The following FGF14 variants were observed in gnomAD, a reference collection of about 807,000 sequenced individuals.
FGF14 encodes the protein fibroblast growth factor 14.
A neutral mutation model predicts 25.5 loss-of-function variants in FGF14; 5 were observed. The ratio of observed to expected loss-of-function variants is 0.20; its 90% confidence interval spans 0.10 to 0.41. The LOEUF is 0.41. FGF14 is among the 10% of genes least tolerant of loss of function. The probability of loss-of-function intolerance (pLI) is 1.00; values close to 1 mark genes in which losing one functional copy is unlikely to be tolerated. For missense variants in FGF14, 222 were observed against 320.1 expected, an observed-to-expected ratio of 0.69 and a Z score of 2.34; for synonymous variants, 138 against 118.3, an observed-to-expected ratio of 1.17 and a Z score of -1.08.
At chr13:102,129,206 C>T (rs1426086896) in intron 1 of FGF14, among the ~76,000 whole-genome samples, 1 of 151,998 alleles carries the variant, frequency 6.6e-6, no homozygotes, top group Non-Finnish European at 1.5e-5. Context: ...GCTGAAAGCA[C>T]ACCACTGCAC....
chr13:102,057,110 A>G (rs2042467087), intron 1 of FGF14, among the ~76,000 whole-genome samples: 1 of 152,164 alleles, frequency 6.6e-6, no homozygotes, highest in East Asian at 1.9e-4. Flanking sequence ...TGCTAAAATG[A>G]AAGCAGAAAA....
chr13:102,312,783 T>C (rs1354892041), intron 1 of FGF14, among the ~76,000 whole-genome samples: 2 of 152,230 alleles, frequency 1.3e-5, no homozygotes, highest in Non-Finnish European at 2.9e-5. Context: ...AATTTCTTGC[T>C]GATTGTTTTC....
At chr13:101,826,743 C>T (rs548247816) in intron 3 of FGF14, among the ~76,000 whole-genome samples, 1 of 151,848 alleles carries the variant, frequency 6.6e-6, no homozygotes, top group Non-Finnish European at 1.5e-5. Flanking sequence ...CTAAATTTAG[C>T]TTACATTTAA....
intron 1 of FGF14, among the ~76,000 whole-genome samples, chr13:102,076,235 G>A (rs1690510547): frequency 6.6e-6 from 1 of 152,146 alleles, no homozygotes; most frequent in South Asian, 2.1e-4. Context: ...TTCATGGTAA[G>A]TGCCCTAGGC....
At chr13:102,134,807 T>C (rs1268521711) in intron 1 of FGF14, among the ~76,000 whole-genome samples, 1 of 152,196 alleles carries the variant, frequency 6.6e-6, no homozygotes, top group East Asian at 1.9e-4. Flanking sequence ...ACAACAAAAA[T>C]CTCTGTTGAT....
In FGF14 at chr13:102,320,579, G is replaced by A. The variant is rs16960062; in HGVS notation, c.208+80892C>T. ...TTTTGGAGACTTATTTTGTCATACA[G>A]TCTTAAAGGAAAGGGATCTGGTTTG... On this transcript the variant is annotated intron_variant, in intron 1 of 4. Coordinates refer to the FGF14 transcript ENST00000376131. 8.4e-3 allele frequency among the ~76,000 whole-genome samples: 1,276 copies of A among 152,234 alleles called. 18 individuals are homozygous for A. Among genetic ancestry groups the A allele is most frequent in the African/African-American group, 0.028 (1,178 of 41,542 alleles).
rs113001913 is a variant in FGF14, at chr13:102,224,461, T to C, written c.208+177010A>G. On this transcript the variant is annotated intron_variant, in intron 1 of 4. Transcript: ENST00000376131. ...AACTTTTTGGTGCACCATCATGTTA[T>C]AGATTCGAATGTCGCTATGCTGAAT... 1.7e-3 allele frequency among the ~76,000 whole-genome samples: 259 copies of C among 152,304 alleles called. 2 individuals are homozygous for C. Among genetic ancestry groups the C allele is most frequent in the African/African-American group, 6.0e-3 (251 of 41,582 alleles).
Position 102,388,384 on chromosome 13 carries a change from A to T in FGF14, c.208+13087T>A, listed in dbSNP as rs141853972. Among the ~76,000 whole-genome samples the T allele has an allele frequency of 1.2e-4, 18 of 152,352 alleles. No homozygotes were observed. The East Asian group carries it at 3.5e-3, about 29-fold the overall frequency. ...ACAACTATCAACTACATGTAACAAC[A>T]ACATAAATGTACCTGCTAACTAGAT... On this transcript the variant is annotated intron_variant, in intron 1 of 4. Transcript: ENST00000376131.
rs543021393 is a variant in FGF14, at chr13:102,182,644, A to T, written c.208+218827T>A. Among the ~76,000 whole-genome samples the T allele has an allele frequency of 3.9e-5, 6 of 152,262 alleles. No homozygotes were observed. The East Asian group carries it at 9.7e-4, about 25-fold the overall frequency. On this transcript the variant is annotated intron_variant, in intron 1 of 4. Coordinates refer to the FGF14 transcript ENST00000376131. ...TTTGCATCTTGGCCCATAAAGTCTA[A>T]AATATTTACTATTTGGTTCTTTACA...
chr13:102,322,364 G>A (rs1228658388), intron 1 of FGF14, among the ~76,000 whole-genome samples: 1 of 152,114 alleles, frequency 6.6e-6, no homozygotes, highest in African/African-American at 2.4e-5. Context: ...ATTTATTACT[G>A]GTGGGAAAGA....
chr13:102,337,944 C>A (rs1466871409), intron 1 of FGF14, among the ~76,000 whole-genome samples: 1 of 152,124 alleles, frequency 6.6e-6, no homozygotes, highest in Non-Finnish European at 1.5e-5. Context: ...ATATATAACT[C>A]TTATGTGCAC....
At position 101,788,783 on chromosome 13, in the gene FGF14, T is replaced by G. The variant is rs1472197950; in HGVS notation, c.409-61973A>C. Among the ~76,000 whole-genome samples the G allele has an allele frequency of 4.0e-5, 6 of 150,240 alleles. No individual in the cohort carries two copies. In the Admixed American group the frequency reaches 4.0e-4, roughly 10 times the overall value. On this transcript the variant is annotated intron_variant, in intron 3 of 4. Coordinates refer to ENST00000376143, the MANE Select transcript of FGF14 (RefSeq NM_004115.4). Reference sequence around the variant, plus strand: ...GCATCAACAGCCCTACTTGTTAGGATTTTGGATATTTCTTTGCCCTTTTTT... The same window carrying G: ...GCATCAACAGCCCTACTTGTTAGGAGTTTGGATATTTCTTTGCCCTTTTTT...
At chr13:101,785,183 T>C (rs61966764) in intron 3 of FGF14, among the ~76,000 whole-genome samples, 3,731 of 152,124 alleles carry the variant, frequency 0.025, 72 homozygotes, top group Non-Finnish European at 0.04. Flanking sequence ...GGTATATCTT[T>C]AGTTTTAATA....
chr13:101,751,229 C>T (rs1030372510), intron 3 of FGF14, among the ~76,000 whole-genome samples: 1 of 151,922 alleles, frequency 6.6e-6, no homozygotes, highest in Admixed American at 6.6e-5. Flanking sequence ...AATATTGGCT[C>T]GTTCATTATA....
chr13:101,863,486 G>A (rs1366139338), intron 3 of FGF14, among the ~76,000 whole-genome samples: 1 of 152,130 alleles, frequency 6.6e-6, no homozygotes, highest in Non-Finnish European at 1.5e-5. Context: ...TGGGGGAGGA[G>A]GAATAGGAAG....
chr13:101,743,959 A>T (rs1457709479), intron 3 of FGF14, among the ~76,000 whole-genome samples: 1 of 152,164 alleles, frequency 6.6e-6, no homozygotes, highest in Non-Finnish European at 1.5e-5. Flanking sequence ...AGGAAATTAG[A>T]ATAGAAACCA....
intron 1 of FGF14, among the ~76,000 whole-genome samples, chr13:102,100,531 G>A (rs2044612022): frequency 1.3e-5 from 2 of 152,190 alleles, no homozygotes; most frequent in Admixed American, 1.3e-4. Flanking sequence ...TAGTAACAGT[G>A]ATATCAGTGA....
intron 3 of FGF14, among the ~76,000 whole-genome samples, chr13:101,790,128 G>GTTT (rs35108416): frequency 5.5e-5 from 6 of 108,382 alleles, no homozygotes; most frequent in African/African-American, 1.9e-4. Flanking sequence ...TAGTATTTTG[G>GTTT]TTTTTTTTTT....
chr13:101,954,362 C>A (rs1235423712), intron 1 of FGF14, among the ~76,000 whole-genome samples: 1 of 152,066 alleles, frequency 6.6e-6, no homozygotes, highest in African/African-American at 2.4e-5. Context: ...AGAGCCTGCT[C>A]AAATAATGTC....
Sources: allele counts gnomAD v4.1 joint callset (sites outside exome capture counted in the v4.1 genomes callset), GRCh38; gene constraint gnomAD v4.1.1; transcripts MANE v1.5; gene names NCBI Gene and HGNC (gene_info 2026-07-23, HGNC 2026-07-21).